Variants in TOR2A observed in about 807,000 individuals in gnomAD.
TOR2A encodes the protein torsin family 2 member A, also known as prosalusin.
A neutral mutation model predicts 28.6 loss-of-function variants in TOR2A; 24 were observed. The observed-to-expected ratio is 0.84, with a 90% CI of 0.61 to 1.18. TOR2A has a LOEUF of 1.18. TOR2A is among the 50% of genes most tolerant of loss of function. TOR2A has a pLI of 0.00. For missense variants in TOR2A, 426 were observed against 448.1 expected (o/e 0.95, Z 0.45); for synonymous variants, 203 against 203.1 (o/e 1.00, Z 0.00).
rs371540528 is a variant in TOR2A at position 127,732,064 on chromosome 9, G to A, written c.936C>T (p.Thr312=). 21 of 1,613,804 alleles carry A rather than the reference G, an allele frequency of 1.3e-5. No homozygotes were observed. The highest frequency in any genetic ancestry group is 4.5e-5 in the East Asian group (2 of 44,878). Residue 312 remains threonine (T), a synonymous_variant, in exon 5 of 5, where the codon ACC becomes ACT. Coordinates refer to ENST00000373284, the MANE Select transcript of TOR2A (RefSeq NM_001085347.3). ...GGAAGAAGGCGATTCGGGAGGCCAC[G>A]GTCTTGCAGCCGTTGGAGGAGAAGA... ...EQLFSSNGCK[T]VASRIAFFL is the part of the protein sequence containing the mutation.
At position 127,732,105 on chromosome 9, in the gene TOR2A, G is replaced by A; in HGVS notation, c.895C>T (p.Pro299Ser). 6.8e-6 allele frequency: 11 copies of A among 1,613,824 alleles called. No homozygotes were observed. The highest frequency in any genetic ancestry group is 9.3e-6 in the Non-Finnish European group (11 of 1,180,016). ...GAGGAGAAGAGCTGCTCGTCTTCAGGGAAGAAGGTGGTGCTGTCCAGCACA... is the reference window on the plus strand; with the variant it reads ...GAGGAGAAGAGCTGCTCGTCTTCAGAGAAGAAGGTGGTGCTGTCCAGCACA... Reference protein sequence around the residue: ...QAVLDSTTFFPEDEQLFSSNG... With the variant: ...QAVLDSTTFFSEDEQLFSSNG... Residue 299 changes from proline to serine, a missense_variant, in exon 5 of 5, where the codon CCT becomes TCT. Coordinates refer to ENST00000373284, the MANE Select transcript of TOR2A (RefSeq NM_001085347.3).
chr9:127,733,574 A>T lies in TOR2A; in HGVS notation c.418-14T>A. The T allele has an allele frequency of 6.3e-7, 1 of 1,593,712 alleles. No individual in the cohort carries two copies. The highest frequency in any genetic ancestry group is 8.5e-7 in the Non-Finnish European group (1 of 1,170,192). ...CTTCAGATCCTTCTGTAGGGGAGAG[A>T]CAGGAGTTCCAGGGGAGCTGGAGAA... On this transcript the variant is annotated splice_polypyrimidine_tract_variant and intron_variant, in intron 2 of 4. Transcript: ENST00000373284.
At position 127,733,419 on chromosome 9, in the gene TOR2A, T is replaced by C; in HGVS notation, c.559A>G (p.Thr187Ala). 6.2e-7 allele frequency: 1 copy of C among 1,613,806 alleles called. No individual in the cohort carries two copies. Among genetic ancestry groups the C allele is most frequent in the South Asian group, 1.1e-5 (1 of 91,078 alleles). ...ATGAAGATGGCTTTGCGGTAATTGG[T>C]CCCGTATACCACCCAGGAGGAGCCC... ...FLGSSWVVYGTNYRKAIFIFI... is the reference protein window; with the variant it reads ...FLGSSWVVYGANYRKAIFIFI... Residue 187 changes from threonine to alanine, a missense_variant, in exon 3 of 5, where the codon ACC becomes GCC. Physicochemically the swap from Thr to Ala is moderately conservative, Grantham distance 58. Coordinates refer to ENST00000373284, the MANE Select transcript of TOR2A (RefSeq NM_001085347.3).
chr9:127,734,808 C>T (rs1844618240), intron 1 of TOR2A: 1 of 525,170 alleles, frequency 1.9e-6, no homozygotes, highest in Non-Finnish European at 3.1e-6. Flanking sequence ...GAGCTGTCAA[C>T]GGGGTCAGCC....
rs1366828545 is a variant in TOR2A, at chr9:127,733,416, T to C, written c.562A>G (p.Asn188Asp). 1 of 1,613,730 alleles carries C rather than the reference T, an allele frequency of 6.2e-7. No homozygotes were observed. The highest frequency in any genetic ancestry group is 8.5e-7 in the Non-Finnish European group (1 of 1,180,018). Residue 188 changes from asparagine (N) to aspartate (D), a missense_variant, in exon 3 of 5, where the codon AAT becomes GAT. By Grantham distance (23) the Asn-to-Asp change is conservative. Transcript: ENST00000373284. ...AAGATGAAGATGGCTTTGCGGTAAT[T>C]GGTCCCGTATACCACCCAGGAGGAG... ...LGSSWVVYGT[N>D]YRKAIFIFIS...
chr9:127,733,226 G>T, intron 3 of TOR2A, 159 bp downstream of exon 3: 32 of 1,605,734 alleles, frequency 2.0e-5, no homozygotes, highest in Non-Finnish European at 2.7e-5. Flanking sequence ...TCAACCAGGC[G>T]GAATGACAAT....
At chr9:127,732,483 C>A in intron 4 of TOR2A, 81 bp downstream of exon 4, 1 of 1,472,490 alleles carries the variant, frequency 6.8e-7, no homozygotes. Context: ...GGTCAGTGGG[C>A]AAAGCATGAG....
chr9:127,733,355 C>G lies in TOR2A; in HGVS notation c.593+30G>C, dbSNP rs776049134. 1.7e-5 allele frequency: 28 copies of G among 1,613,622 alleles called. No individual in the cohort carries two copies. In the South Asian group the frequency reaches 3.0e-4, roughly 17 times the overall value. ...CTGAACCTCTGAGAAGTGGCCCCCC[C>G]ACTGTGCCCACTGCAAAGCCGGGCC... On this transcript the variant is annotated intron_variant, in intron 3 of 4. Coordinates refer to ENST00000373284, the MANE Select transcript of TOR2A (RefSeq NM_001085347.3).
intron 2 of TOR2A, 81 bp from the exon 3 acceptor site, chr9:127,733,641 T>C: frequency 7.9e-7 from 1 of 1,268,364 alleles, no homozygotes; most frequent in Non-Finnish European, 1.1e-6. Flanking sequence ...AAAACTAATC[T>C]CCTTTCTAGG....
intron 3 of TOR2A, chr9:127,733,041 A>G (rs1588475209): frequency 3.5e-6 from 5 of 1,418,572 alleles, no homozygotes; most frequent in Non-Finnish European, 4.6e-6. Flanking sequence ...GAGGAAACAC[A>G]GCGAGGATTC....
chr9:127,733,209 AG>A, intron 3 of TOR2A, 175 bp downstream of exon 3: 1 of 1,598,224 alleles, frequency 6.3e-7, no homozygotes, highest in Non-Finnish European at 8.6e-7. Flanking sequence ...GAATGTCCAA[AG>A]GGAAATCAAC....
Position 127,731,752 on chromosome 9 carries a change from A to G in TOR2A, c.*282T>C, listed in dbSNP as rs1844430289. 1.5e-6 allele frequency: 1 copy of G among 680,110 alleles called. No individual in the cohort carries two copies. Among genetic ancestry groups the G allele is most frequent in the African/African-American group, 1.8e-5 (1 of 55,520 alleles). The allele number at this position is 680,110 out of a possible 1,614,324, so 42.1% of individuals were successfully genotyped here. A position where few individuals can be genotyped will look rare whatever the true frequency, so the allele number is the denominator to read the frequency against. On this transcript the variant is annotated 3_prime_UTR_variant, in exon 5 of 5. Coordinates refer to ENST00000373284, the MANE Select transcript of TOR2A (RefSeq NM_001085347.3). ...TGAGGAGGGAGCACCGCCACGAGCC[A>G]CAGTCCCTGAGTTATAATTCACAGT...
rs1844421496 is a variant in TOR2A at position 127,731,608 on chromosome 9, G to T, written c.*426C>A. Reference sequence around the variant, plus strand: ...AAACCAGGCCCAAGTGGCAGCTTGAGTCCCTCCATTTCTGGAAACTGAGAA... The same window carrying T: ...AAACCAGGCCCAAGTGGCAGCTTGATTCCCTCCATTTCTGGAAACTGAGAA... On this transcript the variant is annotated 3_prime_UTR_variant, in exon 5 of 5. Coordinates refer to ENST00000373284, the MANE Select transcript of TOR2A (RefSeq NM_001085347.3). 3.3e-6 allele frequency: 4 copies of T among 1,218,850 alleles called. No homozygotes were observed. The East Asian group carries it at 1.1e-4, about 32-fold the overall frequency. 75.5% of individuals were successfully genotyped at this position (1,218,850 alleles called of 1,614,324 possible).
intron 3 of TOR2A, chr9:127,732,912 T>C (rs1844515921): frequency 2.1e-6 from 3 of 1,415,314 alleles, no homozygotes; most frequent in African/African-American, 2.9e-5. Flanking sequence ...ACAAAACACT[T>C]TTGTGTCCCT....
rs1844605085 is a variant in TOR2A at position 127,734,497 on chromosome 9, C to A, written c.219G>T (p.Ala73=). The change falls in exon 2 of 5, where the codon GCG becomes GCT. Residue 73 remains alanine, a synonymous_variant. Coordinates refer to ENST00000373284, the MANE Select transcript of TOR2A (RefSeq NM_001085347.3). ...QHLAKALVVK[A]LKAFVRDPAP... is the part of the protein sequence containing the mutation. ...CTGGGTCCCGCACAAAGGCCTTCAG[C>A]GCCTTCACCACCAGCGCCTTGGCCA... 6.3e-7 allele frequency: 1 copy of A among 1,575,592 alleles called. No individual in the cohort carries two copies. The highest frequency in any genetic ancestry group is 8.6e-7 in the Non-Finnish European group (1 of 1,160,256).
chr9:127,732,740 G>C (rs1303839673), intron 3 of TOR2A, 49 bp from the exon 4 acceptor site: 1 of 1,540,628 alleles, frequency 6.5e-7, no homozygotes. Context: ...GACTAGCGCA[G>C]GGCAGGATTG....
In TOR2A at chr9:127,731,857, CG is replaced by C; in HGVS notation, c.*176del. The C allele has an allele frequency of 7.4e-7, 1 of 1,349,618 alleles. No individual in the cohort carries two copies. The highest frequency in any genetic ancestry group is 1.6e-5 in the South Asian group (1 of 64,058). The allele number at this position is 1,349,618 out of a possible 1,614,324, so 83.6% of individuals were successfully genotyped here. On this transcript the variant is annotated 3_prime_UTR_variant, in exon 5 of 5. Coordinates refer to ENST00000373284, the MANE Select transcript of TOR2A (RefSeq NM_001085347.3). ...CAGGGGTTTCCCTGGGGAAGGTGGC[CG>C]GGGCCAAGATGCTCTCGAGCCAGTT...
At chr9:127,734,761 C>T (rs1844616492) in intron 1 of TOR2A, 197 bp from the exon 2 acceptor site, 2 of 629,298 alleles carry the variant, frequency 3.2e-6, no homozygotes, top group Non-Finnish European at 4.8e-6. Context: ...AGCGCCCCCA[C>T]CAGGCGGTCC....
In TOR2A at chr9:127,734,988, C is replaced by T. The variant is rs1844626141; in HGVS notation, c.151+132G>A. 7.1e-6 allele frequency: 9 copies of T among 1,274,678 alleles called. No individual in the cohort carries two copies. In the South Asian group the frequency reaches 1.4e-4, roughly 20 times the overall value. The allele number at this position is 1,274,678 out of a possible 1,614,324, so 79.0% of individuals were successfully genotyped here. On this transcript the variant is annotated intron_variant, in intron 1 of 4. Transcript: ENST00000373284. ...CCCTCCACCCTCCCAAGTCTGCGGG[C>T]CCCGCCCCTCGGTCCCACCCTCTGG...
Sources: gnomAD v4.1 joint callset for allele counts on GRCh38, gnomAD v4.1.1 for gene constraint, MANE v1.5 for transcripts, NCBI Gene and HGNC (gene_info 2026-07-23, HGNC 2026-07-21) for gene names.